The following PLA2G2D variants were observed in gnomAD, a reference collection of about 807,000 sequenced individuals.
PLA2G2D encodes the protein phospholipase A2 group IID.
A neutral mutation model predicts 13.9 loss-of-function variants in PLA2G2D; 17 were observed. That is an observed-to-expected ratio of 1.23 (90% CI 0.84 to 1.84). PLA2G2D has a LOEUF of 1.84. Among genes scored for constraint, PLA2G2D ranks in the 40% most tolerant of loss-of-function variants. PLA2G2D has a pLI of 0.00. For synonymous variants in PLA2G2D, 83 were observed against 69.3 expected, an observed-to-expected ratio of 1.20 and a Z score of -0.98; for missense variants, 194 against 178.7, an observed-to-expected ratio of 1.09 and a Z score of -0.49.
rs142205068 is a variant in PLA2G2D, at chr1:20,116,287, G to A, written c.185+46C>T. On this transcript the variant is annotated intron_variant, in intron 2 of 3. Coordinates refer to ENST00000375105, the MANE Select transcript of PLA2G2D (RefSeq NM_012400.4). ...TGGGTGGAGAGAAAAGAAGAGTACC[G>A]TAGTCGGGGACAGTATAGGATTGCC... is the stretch of plus-strand genomic sequence containing the variant. The A allele has an allele frequency of 2.8e-3, 4,397 of 1,585,976 alleles. 8 individuals are homozygous for A. The highest frequency in any genetic ancestry group is 3.5e-3 in the Non-Finnish European group (4,035 of 1,154,448).
rs963533840 is a variant in PLA2G2D, at chr1:20,114,018, C to A, written c.*96G>T. On this transcript the variant is annotated 3_prime_UTR_variant, in exon 4 of 4. Coordinates refer to ENST00000375105, the MANE Select transcript of PLA2G2D (RefSeq NM_012400.4). Reference sequence around the variant, plus strand: ...CCGGGGGAGGCTGGGACTACCTCCCCCCGGAGTGTTTGAAAAGCCAGGCTG... The same window carrying A: ...CCGGGGGAGGCTGGGACTACCTCCCACCGGAGTGTTTGAAAAGCCAGGCTG... 3 of 1,176,112 alleles carry A rather than the reference C, an allele frequency of 2.6e-6. No homozygotes were observed. The highest frequency in any genetic ancestry group is 2.4e-5 in the East Asian group (1 of 41,304). 72.9% of individuals were successfully genotyped at this position (1,176,112 alleles called of 1,614,324 possible). A position where few individuals can be genotyped will look rare whatever the true frequency, so the allele number is the denominator to read the frequency against.
chr1:20,112,568 C>A lies in PLA2G2D; in HGVS notation c.*1546G>T, dbSNP rs1206794706. 1 of 152,200 alleles carries A rather than the reference C, an allele frequency of 6.6e-6. No individual in the cohort carries two copies. The highest frequency in any genetic ancestry group is 2.4e-5 in the African/African-American group (1 of 41,444). 9.4% of individuals were successfully genotyped at this position (152,200 alleles called of 1,614,324 possible). On this transcript the variant is annotated 3_prime_UTR_variant, in exon 4 of 4. Transcript: ENST00000375105. ...CTGGCTGGAAACAGCTAGCCACACACAAATGGCAGATTGGGAGTCCTCATA... is the reference window on the plus strand; with the variant it reads ...CTGGCTGGAAACAGCTAGCCACACAAAAATGGCAGATTGGGAGTCCTCATA...
intron 2 of PLA2G2D, among the ~76,000 whole-genome samples, chr1:20,115,984 C>A (rs990238454): frequency 1.3e-5 from 2 of 152,130 alleles, no homozygotes; most frequent in Non-Finnish European, 2.9e-5. Flanking sequence ...GCTCCTCTAG[C>A]TGACTCCCAG....
At chr1:20,115,969 T>A in intron 2 of PLA2G2D, among the ~76,000 whole-genome samples, 1 of 152,046 alleles carries the variant, frequency 6.6e-6, no homozygotes, top group African/African-American at 2.4e-5. Context: ...TGGCTGGCTC[T>A]CACCGCTCCT....
rs774179073 is a variant in PLA2G2D, at chr1:20,115,530, A to T, written c.269T>A (p.Phe90Tyr). 21 of 1,606,932 alleles carry T rather than the reference A, an allele frequency of 1.3e-5. No homozygotes were observed. Among genetic ancestry groups the T allele is most frequent in the Non-Finnish European group, 1.7e-5 (20 of 1,173,608 alleles). Residue 90 changes from phenylalanine to tyrosine, a missense_variant, in exon 3 of 4, where the codon TTT (phenylalanine) becomes TAT (tyrosine). Phe to Tyr is a conservative substitution (Grantham distance 22). Coordinates refer to ENST00000375105, the MANE Select transcript of PLA2G2D (RefSeq NM_012400.4). ...SIYKDYYRYN[F>Y]SQGNIHCSDK... ...ACAGCAGTGGATGTTCCCCTGGGAAAAGTTGTATCTGTAATAGTCCTTGTA... is the reference window on the plus strand; with the variant it reads ...ACAGCAGTGGATGTTCCCCTGGGAATAGTTGTATCTGTAATAGTCCTTGTA...
intron 1 of PLA2G2D, 31 bp from the exon 2 acceptor site, chr1:20,116,508 G>C (rs761144848): frequency 1.2e-6 from 2 of 1,613,628 alleles, no homozygotes; most frequent in African/African-American, 2.7e-5. Flanking sequence ...CAGGAGAGAA[G>C]AGGAGATGAA....
At position 20,113,826 on chromosome 1, in the gene PLA2G2D, G is replaced by A. The variant is rs1190731293; in HGVS notation, c.*288C>T. The A allele has an allele frequency of 5.7e-6, 2 of 350,206 alleles. No homozygotes were observed. The highest frequency in any genetic ancestry group is 4.8e-5 in the East Asian group (1 of 21,040). 21.7% of individuals were successfully genotyped at this position (350,206 alleles called of 1,614,324 possible). On this transcript the variant is annotated 3_prime_UTR_variant, in exon 4 of 4. Transcript: ENST00000375105. ...AGGGGGCCAGCAGGTGGGGGACAGC[G>A]GCAGACCCCTCCCCCACCCCGATGC...
chr1:20,114,275 G>T lies in PLA2G2D; in HGVS notation c.293-16C>A, dbSNP rs749634821. 1 of 1,610,262 alleles carries T rather than the reference G, an allele frequency of 6.2e-7. No individual in the cohort carries two copies. The highest frequency in any genetic ancestry group is 8.5e-7 in the Non-Finnish European group (1 of 1,177,792). On this transcript the variant is annotated splice_polypyrimidine_tract_variant and intron_variant, in intron 3 of 3. Transcript: ENST00000375105. ...CCCTTGTCAGCTGTGGACGGAGAAGGGGGAGCTATGTGTTTGTCCTTTTCC... is the reference window on the plus strand; with the variant it reads ...CCCTTGTCAGCTGTGGACGGAGAAGTGGGAGCTATGTGTTTGTCCTTTTCC...
chr1:20,119,281 T>C (rs1168447891), intron 1 of PLA2G2D, among the ~76,000 whole-genome samples, 178 bp downstream of exon 1: 2 of 152,148 alleles, frequency 1.3e-5, no homozygotes, highest in Non-Finnish European at 2.9e-5. Context: ...TGGCTGAAGC[T>C]ACCATGCTAG....
chr1:20,112,795 G>C lies in PLA2G2D; in HGVS notation c.*1319C>G, dbSNP rs1369790780. On this transcript the variant is annotated 3_prime_UTR_variant, in exon 4 of 4. Coordinates refer to ENST00000375105, the MANE Select transcript of PLA2G2D (RefSeq NM_012400.4). ...CTCAGCCCGATCCCAGGAACAATTTGAGAGTGTCATTCAACCCAGACAATC... is the reference window on the plus strand; with the variant it reads ...CTCAGCCCGATCCCAGGAACAATTTCAGAGTGTCATTCAACCCAGACAATC... 6.6e-6 allele frequency: 1 copy of C among 152,216 alleles called. No homozygotes were observed. Among genetic ancestry groups the C allele is most frequent in the East Asian group, 1.9e-4 (1 of 5,182 alleles). 9.4% of individuals were successfully genotyped at this position (152,216 alleles called of 1,614,324 possible).
chr1:20,111,976 T>C lies in PLA2G2D; in HGVS notation c.*2138A>G, dbSNP rs2016894666. ...TTATTTTATTTTATTTTATTTTATT[T>C]TATTTTTTGAGACAGAGTGTCACTC... On this transcript the variant is annotated 3_prime_UTR_variant, in exon 4 of 4. Coordinates refer to ENST00000375105, the MANE Select transcript of PLA2G2D (RefSeq NM_012400.4). The C allele has an allele frequency of 6.8e-6, 1 of 147,680 alleles. No individual in the cohort carries two copies. The highest frequency in any genetic ancestry group is 2.6e-5 in the African/African-American group (1 of 38,878). The allele number at this position is 147,680 out of a possible 1,614,324, so 9.1% of individuals were successfully genotyped here.
intron 3 of PLA2G2D, 102 bp downstream of exon 3, chr1:20,115,403 CAA>C: frequency 1.3e-5 from 8 of 635,284 alleles, no homozygotes; most frequent in Admixed American, 4.4e-5. Context: ...TGGACCCATG[CAA>C]AAAAAAAACA....
chr1:20,113,980 T>C lies in PLA2G2D; in HGVS notation c.*134A>G, dbSNP rs2016933233. On this transcript the variant is annotated 3_prime_UTR_variant, in exon 4 of 4. Transcript: ENST00000375105. Reference sequence around the variant, plus strand: ...GAAAGCTTCAGAAGGTCAGAAGGCATTGGTAGAGGGTTCCGGGGGAGGCTG... The same window carrying C: ...GAAAGCTTCAGAAGGTCAGAAGGCACTGGTAGAGGGTTCCGGGGGAGGCTG... 2 of 697,858 alleles carry C rather than the reference T, an allele frequency of 2.9e-6. No individual in the cohort carries two copies. The highest frequency in any genetic ancestry group is 2.9e-5 in the Admixed American group (1 of 34,792). 43.2% of individuals were successfully genotyped at this position (697,858 alleles called of 1,614,324 possible).
chr1:20,115,378 C>A, intron 3 of PLA2G2D, 129 bp downstream of exon 3: 1 of 680,068 alleles, frequency 1.5e-6, no homozygotes, highest in Admixed American at 2.1e-5. Flanking sequence ...CTCTTCACAG[C>A]CCAACTGCAG....
intron 3 of PLA2G2D, 65 bp downstream of exon 3, chr1:20,115,442 G>A: frequency 1.1e-6 from 1 of 908,740 alleles, no homozygotes. Context: ...GTGCTGTGAA[G>A]GCAGTGGGGG....
intron 2 of PLA2G2D, 33 bp from the exon 3 acceptor site, chr1:20,115,646 C>A: frequency 7.4e-7 from 1 of 1,352,612 alleles, no homozygotes; most frequent in Non-Finnish European, 1.1e-6. Flanking sequence ...CTGCATGGGT[C>A]CCCAGCCTAC....
chr1:20,114,386 G>T (rs949205904), intron 3 of PLA2G2D, 127 bp from the exon 4 acceptor site: 6 of 917,404 alleles, frequency 6.5e-6, no homozygotes, highest in African/African-American at 1.7e-5. Flanking sequence ...CAGCAACCTC[G>T]ATTCTAGCTG....
intron 1 of PLA2G2D, 134 bp downstream of exon 1, chr1:20,119,325 G>A: frequency 1.2e-6 from 1 of 817,202 alleles, no homozygotes; most frequent in Non-Finnish European, 2.2e-6. Context: ...CTTTGCAGAG[G>A]GGCAGAAGGA....
intron 3 of PLA2G2D, among the ~76,000 whole-genome samples, chr1:20,114,886 A>G (rs58606118): frequency 0.11 from 15,998 of 152,194 alleles, 1,373 homozygotes; most frequent in African/African-American, 0.23. Flanking sequence ...TGAAGCCCTC[A>G]ATTAACAGCA....
Sources: gnomAD v4.1 joint callset for allele counts (sites outside exome capture counted in the v4.1 genomes callset) on GRCh38, gnomAD v4.1.1 for gene constraint, MANE v1.5 for transcripts, NCBI Gene and HGNC (gene_info 2026-07-23, HGNC 2026-07-21) for gene names.